SSBP2: variants seen among roughly 807,000 people sequenced by gnomAD.
SSBP2 encodes single-stranded DNA-binding protein 2.
A neutral mutation model predicts 61.8 loss-of-function variants in SSBP2; 17 were observed. The ratio of observed to expected loss-of-function variants is 0.28; its 90% CI spans 0.19 to 0.41. The LOEUF is 0.41. Among genes scored for constraint, SSBP2 ranks in the 10% least tolerant of loss-of-function variants. The pLI, the probability that SSBP2 is intolerant of heterozygous loss-of-function variation, is 1.00. For missense variants in SSBP2, 310 were observed against 458.7 expected (o/e 0.68, Z 2.96); for synonymous variants, 139 against 141.3 (o/e 0.98, Z 0.12).
intron 4 of SSBP2, among the ~76,000 whole-genome samples, chr5:81,529,477 T>G (rs1358423806): frequency 6.6e-6 from 1 of 152,136 alleles, no homozygotes; most frequent in Non-Finnish European, 1.5e-5. Flanking sequence ...AAGTTGGTCA[T>G]GAGGGCAGGC....
intron 4 of SSBP2, among the ~76,000 whole-genome samples, chr5:81,586,859 A>G (rs1373399141): frequency 6.6e-6 from 1 of 151,864 alleles, no homozygotes; most frequent in Non-Finnish European, 1.5e-5. Context: ...TCTGGTATAT[A>G]CTAGATAGAG....
At chr5:81,530,454 C>T (rs898120122) in intron 4 of SSBP2, among the ~76,000 whole-genome samples, 3 of 151,762 alleles carry the variant, frequency 2.0e-5, no homozygotes, top group African/African-American at 7.3e-5. Flanking sequence ...CTGCCACTGT[C>T]AAAATCAAGT....
At chr5:81,442,517 G>C (rs1467412793) in intron 13 of SSBP2, 136 bp downstream of exon 13, 2 of 547,418 alleles carry the variant, frequency 3.7e-6, no homozygotes, top group Non-Finnish European at 6.4e-6. Context: ...TCAGAGAAAA[G>C]AATTTGACTT....
At chr5:81,453,160 T>C (rs1487306664) in intron 10 of SSBP2, among the ~76,000 whole-genome samples, 1 of 151,510 alleles carries the variant, frequency 6.6e-6, no homozygotes, top group Non-Finnish European at 1.5e-5. Context: ...TAGCCAAGCA[T>C]GGTGGCATGT....
intron 1 of SSBP2, among the ~76,000 whole-genome samples, chr5:81,748,453 A>G (rs186176387): frequency 7.2e-5 from 11 of 152,328 alleles, no homozygotes; most frequent in Non-Finnish European, 7.4e-5. Context: ...AGTCCCAAGT[A>G]AACATAAAGA....
At chr5:81,436,483 T>A (rs757686538) in intron 15 of SSBP2, among the ~76,000 whole-genome samples, 3 of 152,168 alleles carry the variant, frequency 2.0e-5, no homozygotes, top group Non-Finnish European at 4.4e-5. Context: ...AGTAGAGTTA[T>A]AATGCCAGAA....
intron 4 of SSBP2, among the ~76,000 whole-genome samples, chr5:81,588,001 G>C (rs532532326): frequency 6.6e-6 from 1 of 152,240 alleles, no homozygotes; most frequent in Non-Finnish European, 1.5e-5. Context: ...ATCTCATTCT[G>C]TTGCCCAGGC....
intron 15 of SSBP2, among the ~76,000 whole-genome samples, chr5:81,436,540 T>G (rs1175541943): frequency 6.6e-6 from 1 of 152,090 alleles, no homozygotes; most frequent in Non-Finnish European, 1.5e-5. Flanking sequence ...TTTAAAATGA[T>G]TTTTAGCTCA....
chr5:81,477,249 C>A (rs1469212654), intron 6 of SSBP2, among the ~76,000 whole-genome samples: 1 of 152,136 alleles, frequency 6.6e-6, no homozygotes, highest in Non-Finnish European at 1.5e-5. Context: ...TCAGTAAACA[C>A]CAAGCTTGAA....
At chr5:81,710,415 C>T (rs182798918) in intron 1 of SSBP2, among the ~76,000 whole-genome samples, 302 of 152,076 alleles carry the variant, frequency 2.0e-3, no homozygotes, top group Non-Finnish European at 3.7e-3. Context: ...GCTAGTGTTC[C>T]TCTTGGTTAG....
At chr5:81,469,985 T>C (rs1765143126) in intron 8 of SSBP2, among the ~76,000 whole-genome samples, 1 of 151,944 alleles carries the variant, frequency 6.6e-6, no homozygotes, top group African/African-American at 2.4e-5. Flanking sequence ...GGAAATTTAA[T>C]TTCTAGAAAG....
At chr5:81,663,454 TTCA>T (rs1482145390) in intron 1 of SSBP2, among the ~76,000 whole-genome samples, 5 of 152,320 alleles carry the variant, frequency 3.3e-5, no homozygotes, top group Non-Finnish European at 4.4e-5. Flanking sequence ...GTGAACAGGA[TTCA>T]TCAAGTGTTT....
At chr5:81,713,377 TGGA>T (rs1754935653) in intron 1 of SSBP2, among the ~76,000 whole-genome samples, 1 of 151,826 alleles carries the variant, frequency 6.6e-6, no homozygotes, top group Non-Finnish European at 1.5e-5. Context: ...ATTCTCTTGG[TGGA>T]GATTTTTTTA....
intron 1 of SSBP2, among the ~76,000 whole-genome samples, chr5:81,718,493 G>C (rs979465033): frequency 4.6e-5 from 7 of 152,152 alleles, no homozygotes; most frequent in Admixed American, 3.9e-4. Context: ...CCTACCGGAA[G>C]CAGAGGTCAA....
At chr5:81,725,074 A>C (rs1032543128) in intron 1 of SSBP2, among the ~76,000 whole-genome samples, 1 of 152,196 alleles carries the variant, frequency 6.6e-6, no homozygotes, top group African/African-American at 2.4e-5. Context: ...ATAAATAAAT[A>C]CATAACATAA....
chr5:81,609,945 C>G (rs926444002), intron 4 of SSBP2, among the ~76,000 whole-genome samples: 1 of 152,196 alleles, frequency 6.6e-6, no homozygotes, highest in African/African-American at 2.4e-5. Flanking sequence ...ATTCAACCAC[C>G]CTTGCATACT....
intron 9 of SSBP2, among the ~76,000 whole-genome samples, chr5:81,466,769 T>C (rs1052570170): frequency 6.6e-6 from 1 of 151,998 alleles, no homozygotes; most frequent in Non-Finnish European, 1.5e-5. Context: ...GAGATTATGT[T>C]GTGAAAATGA....
At chr5:81,668,609 T>A (rs2153778606) in intron 1 of SSBP2, among the ~76,000 whole-genome samples, 1 of 152,272 alleles carries the variant, frequency 6.6e-6, no homozygotes, top group Admixed American at 6.5e-5. Flanking sequence ...GCCAGTTGAA[T>A]TACTACTTAA....
At chr5:81,609,361 T>C (rs1267578354) in intron 4 of SSBP2, among the ~76,000 whole-genome samples, 2 of 152,180 alleles carry the variant, frequency 1.3e-5, no homozygotes, top group Non-Finnish European at 2.9e-5. Context: ...ATCCAAATCC[T>C]AGTCATCATT....
Sources: gnomAD v4.1 joint callset for allele counts (sites outside exome capture counted in the v4.1 genomes callset) on GRCh38, gnomAD v4.1.1 for gene constraint, MANE v1.5 for transcripts, NCBI Gene and HGNC (gene_info 2026-07-23, HGNC 2026-07-21) for gene names.